Variants in SORCS1 observed in about 807,000 individuals in gnomAD.
SORCS1 encodes the protein sortilin related VPS10 domain containing receptor 1.
Under a neutral mutation model 146.1 loss-of-function variants are expected in SORCS1, and 60 were observed. The ratio of observed to expected loss-of-function variants is 0.41; its 90% confidence interval spans 0.33 to 0.51. The LOEUF (loss-of-function observed/expected upper bound fraction) is 0.51. Ranked by LOEUF, SORCS1 falls within the 20% of genes least tolerant of loss-of-function variation. The pLI, the probability that SORCS1 is intolerant of heterozygous loss-of-function variation, is 0.21. For synonymous variants in SORCS1, 637 were observed against 584.0 expected (o/e 1.09, Z -1.31); for missense variants, 1,352 against 1,487.6 (o/e 0.91, Z 1.50).
At chr10:106,761,846 T>C (rs548549498) in intron 4 of SORCS1, among the ~76,000 whole-genome samples, 185 bp from the exon 5 acceptor site, 1 of 152,372 alleles carries the variant, frequency 6.6e-6, no homozygotes, top group African/African-American at 2.4e-5. Flanking sequence ...GTCAGACTAA[T>C]ATCATCATTT....
At chr10:107,117,237 T>C (rs1966096372) in intron 1 of SORCS1, among the ~76,000 whole-genome samples, 1 of 152,092 alleles carries the variant, frequency 6.6e-6, no homozygotes, top group Non-Finnish European at 1.5e-5. Flanking sequence ...CAGTTAGAAC[T>C]GAAAAGAAAA....
At chr10:106,887,787 T>G (rs896028986) in intron 2 of SORCS1, among the ~76,000 whole-genome samples, 1 of 152,216 alleles carries the variant, frequency 6.6e-6, no homozygotes, top group African/African-American at 2.4e-5. Context: ...CTGTAATGTT[T>G]ACATGACTAT....
At chr10:106,787,522 A>G (rs139627824) in intron 3 of SORCS1, among the ~76,000 whole-genome samples, 120 of 152,312 alleles carry the variant, frequency 7.9e-4, no homozygotes, top group Middle Eastern at 3.4e-3. Context: ...TGCTGCTGCT[A>G]TGCCAACCCT....
intron 1 of SORCS1, among the ~76,000 whole-genome samples, chr10:107,052,955 AAGCCATG>A (rs1314498224): frequency 6.6e-6 from 1 of 152,154 alleles, no homozygotes; most frequent in Non-Finnish European, 1.5e-5. Flanking sequence ...TTTTTACTGA[AAGCCATG>A]TAGCTCGCTA....
chr10:106,827,479 G>A (rs1237087335), intron 3 of SORCS1, among the ~76,000 whole-genome samples: 4 of 152,174 alleles, frequency 2.6e-5, no homozygotes, highest in African/African-American at 9.7e-5. Flanking sequence ...CTCTGAGGAT[G>A]AGTTGCTGGC....
intron 1 of SORCS1, among the ~76,000 whole-genome samples, chr10:107,118,968 C>A (rs1249213952): frequency 6.6e-6 from 1 of 152,056 alleles, no homozygotes; most frequent in African/African-American, 2.4e-5. Context: ...CACTTGGGTC[C>A]CTGAGTGATA....
intron 1 of SORCS1, among the ~76,000 whole-genome samples, chr10:107,090,196 A>C (rs1046533551): frequency 6.6e-6 from 1 of 152,170 alleles, no homozygotes; most frequent in Non-Finnish European, 1.5e-5. Flanking sequence ...CACTGCGAGC[A>C]CTTTCCCCAG....
chr10:107,030,770 C>G (rs972864179), intron 1 of SORCS1, among the ~76,000 whole-genome samples: 1 of 151,634 alleles, frequency 6.6e-6, no homozygotes, highest in African/African-American at 2.4e-5. Context: ...TTTTTAAAAA[C>G]CAAAGAAAGG....
At chr10:106,891,501 A>ATTGTTTTTTTTTTTTTTTTTTT (rs562213104) in intron 2 of SORCS1, among the ~76,000 whole-genome samples, 1 of 74,066 alleles carries the variant, frequency 1.4e-5, no homozygotes, top group Non-Finnish European at 2.9e-5. Flanking sequence ...TTCAATGGGA[A>ATTGTTTTTTTTTTTTTTTTTTT]TTCTTTTTTT....
intron 6 of SORCS1, among the ~76,000 whole-genome samples, chr10:106,726,359 CAAAAAAAAAAAAAAAAAA>C (rs60801871): frequency 2.3e-5 from 1 of 43,582 alleles, no homozygotes; most frequent in Non-Finnish European, 3.8e-5. Context: ...GCTGCCTTCG[CAAAAAAAAAAAAAAAAAA>C]AAAAAAAAAA....
intron 3 of SORCS1, among the ~76,000 whole-genome samples, chr10:106,808,495 T>C (rs955669156): frequency 5.3e-5 from 8 of 151,702 alleles, no homozygotes; most frequent in Middle Eastern, 3.2e-3. Context: ...GAAAAGAGTT[T>C]ATTTATTTTA....
chr10:107,017,333 C>T (rs1294684010), intron 1 of SORCS1, among the ~76,000 whole-genome samples: 5 of 152,110 alleles, frequency 3.3e-5, no homozygotes, highest in Non-Finnish European at 5.9e-5. Flanking sequence ...AGCAAACTAC[C>T]GCTACACGAA....
intron 3 of SORCS1, among the ~76,000 whole-genome samples, chr10:106,786,043 G>A (rs996263139): frequency 4.6e-5 from 7 of 152,108 alleles, no homozygotes; most frequent in East Asian, 1.9e-4. Flanking sequence ...ACAGCAGTGC[G>A]GTGTTTTATG....
At chr10:106,578,155 C>T (rs1307815140) in intron 25 of SORCS1, 1 of 152,198 alleles carries the variant, frequency 6.6e-6, no homozygotes, top group Non-Finnish European at 1.5e-5. Context: ...TAGATGTAAA[C>T]ATATAAGGCT....
In SORCS1 at chr10:107,107,768, T is replaced by G. The variant is rs1379763273; in HGVS notation, c.558+56201A>C. 2.0e-5 allele frequency among the ~76,000 whole-genome samples: 3 copies of G among 152,338 alleles called. No homozygotes were observed. The South Asian group carries it at 6.2e-4, about 32-fold the overall frequency. ...CAGATGGCAGACTTGGTGATCATGGTTCTGACTGCAGACCTGGAAATGGCT... is the reference window on the plus strand; with the variant it reads ...CAGATGGCAGACTTGGTGATCATGGGTCTGACTGCAGACCTGGAAATGGCT... On this transcript the variant is annotated intron_variant, in intron 1 of 25. Transcript: ENST00000263054.
At chr10:106,989,134 G>A (rs1298197578) in intron 1 of SORCS1, among the ~76,000 whole-genome samples, 1 of 151,242 alleles carries the variant, frequency 6.6e-6, no homozygotes, top group Non-Finnish European at 1.5e-5. Flanking sequence ...GCTGGTCGTG[G>A]TGGTGGGTAC....
At chr10:107,004,722 T>TA (rs1564915043) in intron 1 of SORCS1, among the ~76,000 whole-genome samples, 1 of 152,128 alleles carries the variant, frequency 6.6e-6, no homozygotes, top group Non-Finnish European at 1.5e-5. Flanking sequence ...AAGCCCTCCT[T>TA]ACAATACTCT....
chr10:106,795,339 T>C (rs1019567309), intron 3 of SORCS1, among the ~76,000 whole-genome samples: 1 of 152,192 alleles, frequency 6.6e-6, no homozygotes, highest in Non-Finnish European at 1.5e-5. Flanking sequence ...ACTAAGGTTC[T>C]GAGAAACATA....
Position 107,056,298 on chromosome 10 carries a change from C to A in SORCS1, c.559-99718G>T, listed in dbSNP as rs572486669. Among the ~76,000 whole-genome samples the A allele has an allele frequency of 9.2e-5, 14 of 152,264 alleles. No homozygotes were observed. In the South Asian group the frequency reaches 2.7e-3, roughly 29 times the overall value. ...AAACTATCACTATGCCCTGAAAGAA[C>A]AAGTCATTTACTGAACTCTGCTCTT... On this transcript the variant is annotated intron_variant, in intron 1 of 25. Transcript: ENST00000263054.
Sources: gnomAD v4.1 joint callset for allele counts (sites outside exome capture counted in the v4.1 genomes callset) on GRCh38, gnomAD v4.1.1 for gene constraint, MANE v1.5 for transcripts, NCBI Gene and HGNC (gene_info 2026-07-23, HGNC 2026-07-21) for gene names.